The following UBE2G1 variants were observed in gnomAD, a reference collection of about 807,000 sequenced individuals.
The protein encoded by UBE2G1 is ubiquitin conjugating enzyme E2 G1.
Under a neutral mutation model 22.7 loss-of-function variants are expected in UBE2G1, and 5 were observed. The ratio of observed to expected loss-of-function variants is 0.22; its 90% CI spans 0.12 to 0.46. The LOEUF (loss-of-function observed/expected upper bound fraction) is 0.46, where lower values mean the gene tolerates loss of function less well. UBE2G1 is among the 20% of genes least tolerant of loss of function. UBE2G1 has a pLI of 0.99. For synonymous variants in UBE2G1, 74 were observed against 67.5 expected (o/e 1.10, Z -0.47); for missense variants, 88 against 203.9 (o/e 0.43, Z 3.46).
intron 1 of UBE2G1, among the ~76,000 whole-genome samples, chr17:4,333,763 G>A (rs1312836757): frequency 2.0e-5 from 3 of 152,052 alleles, no homozygotes; most frequent in African/African-American, 7.3e-5. Context: ...AGGTTGCAGT[G>A]AGCCGAGATT....
intron 5 of UBE2G1, among the ~76,000 whole-genome samples, chr17:4,277,383 C>T (rs545025677): frequency 6.6e-6 from 1 of 152,302 alleles, no homozygotes; most frequent in East Asian, 1.9e-4. Flanking sequence ...CAATAAAGAA[C>T]CAATACAGTC....
At chr17:4,320,825 T>C (rs981521429) in intron 1 of UBE2G1, among the ~76,000 whole-genome samples, 1 of 152,084 alleles carries the variant, frequency 6.6e-6, no homozygotes, top group Non-Finnish European at 1.5e-5. Flanking sequence ...CTTAGCATAG[T>C]CTGAACACTA....
chr17:4,303,955 GTCA>G (rs1332513056), intron 2 of UBE2G1, among the ~76,000 whole-genome samples: 2 of 152,162 alleles, frequency 1.3e-5, no homozygotes, highest in Non-Finnish European at 1.5e-5. Flanking sequence ...AAGTTATACA[GTCA>G]TCATTCATTA....
At chr17:4,281,192 A>C (rs1968885685) in intron 5 of UBE2G1, among the ~76,000 whole-genome samples, 2 of 152,202 alleles carry the variant, frequency 1.3e-5, no homozygotes, top group Non-Finnish European at 2.9e-5. Context: ...TAGAGCGGTA[A>C]TTTACCCAGT....
chr17:4,330,761 T>C (rs923056585), intron 1 of UBE2G1, among the ~76,000 whole-genome samples: 2 of 151,530 alleles, frequency 1.3e-5, no homozygotes, highest in Admixed American at 1.3e-4. Flanking sequence ...ATATTTTATT[T>C]ATTTATTTAT....
intron 3 of UBE2G1, among the ~76,000 whole-genome samples, chr17:4,294,711 G>C (rs1171448220): frequency 6.6e-6 from 1 of 152,004 alleles, no homozygotes; most frequent in African/African-American, 2.4e-5. Flanking sequence ...CAGGAGTTCA[G>C]GACCTGCCTG....
intron 1 of UBE2G1, among the ~76,000 whole-genome samples, chr17:4,335,778 C>A (rs1255374752): frequency 6.6e-6 from 1 of 151,854 alleles, no homozygotes; most frequent in Non-Finnish European, 1.5e-5. Context: ...TTAGACATAA[C>A]GAAATACAGT....
intron 2 of UBE2G1, chr17:4,301,906 T>C: frequency 6.1e-6 from 3 of 492,670 alleles, no homozygotes; most frequent in South Asian, 4.7e-5. Flanking sequence ...GGGGTTCTGC[T>C]GGTCACACAA....
Position 4,271,174 on chromosome 17 carries a change from C to T in UBE2G1, c.*1380G>A, listed in dbSNP as rs769119514. The T allele has an allele frequency of 1.2e-4, 18 of 152,436 alleles. No individual in the cohort carries two copies. The highest frequency in any genetic ancestry group is 1.5e-4 in the Non-Finnish European group (10 of 68,030). The allele number at this position is 152,436 out of a possible 1,614,324, so 9.4% of individuals were successfully genotyped here. On this transcript the variant is annotated 3_prime_UTR_variant, in exon 6 of 6. Coordinates refer to ENST00000396981, the MANE Select transcript of UBE2G1 (RefSeq NM_003342.5). ...GATATGAAATATATTGAAGCTCAAA[C>T]ATTAATCACATCCAAGTGTACTATT...
intron 1 of UBE2G1, among the ~76,000 whole-genome samples, chr17:4,344,123 CGTAA>C (rs767334156): frequency 3.9e-5 from 6 of 152,064 alleles, no homozygotes; most frequent in Non-Finnish European, 5.9e-5. Context: ...CTCAATCAAT[CGTAA>C]AGCAAGTTCA....
At chr17:4,365,312 C>T (rs1249931405) in intron 1 of UBE2G1, among the ~76,000 whole-genome samples, 1 of 152,208 alleles carries the variant, frequency 6.6e-6, no homozygotes, top group Non-Finnish European at 1.5e-5. Context: ...GCCACCAACC[C>T]GCCTCCCCCC....
intron 1 of UBE2G1, among the ~76,000 whole-genome samples, chr17:4,347,203 C>T (rs552976393): frequency 1.3e-4 from 20 of 152,190 alleles, no homozygotes; most frequent in Admixed American, 3.3e-4. Flanking sequence ...ATCTAAAATG[C>T]TTGGGACCAA....
chr17:4,285,857 A>G (rs994117875), intron 4 of UBE2G1, among the ~76,000 whole-genome samples: 6 of 152,102 alleles, frequency 3.9e-5, no homozygotes, highest in African/African-American at 1.4e-4. Flanking sequence ...AGGCTGAGGC[A>G]GGAGGATCGC....
chr17:4,295,294 A>T (rs763951075), intron 3 of UBE2G1, among the ~76,000 whole-genome samples: 2 of 152,178 alleles, frequency 1.3e-5, no homozygotes, highest in Admixed American at 6.5e-5. Context: ...ACTGTTAGAG[A>T]TATTTTCCTC....
In UBE2G1 at chr17:4,272,611, C is replaced by G. The variant is rs115201613; in HGVS notation, c.*38-95G>C. ...TATCCATATTAGATTTATTTGACAA[C>G]AAATCCTTAATTTCATTCTGAGCTC... On this transcript the variant is annotated intron_variant, in intron 5 of 5. Coordinates refer to ENST00000396981, the MANE Select transcript of UBE2G1 (RefSeq NM_003342.5). 969 of 186,516 alleles carry G rather than the reference C, an allele frequency of 5.2e-3. 9 individuals carry two copies. The highest frequency in any genetic ancestry group is 0.022 in the African/African-American group (924 of 41,698). 11.6% of individuals were successfully genotyped at this position (186,516 alleles called of 1,614,324 possible).
chr17:4,366,482 T>G lies in UBE2G1; in HGVS notation c.-166A>C. 3.5e-6 allele frequency: 2 copies of G among 570,438 alleles called. No homozygotes were observed. The highest frequency in any genetic ancestry group is 7.0e-5 in the South Asian group (2 of 28,614). The allele number at this position is 570,438 out of a possible 1,614,324, so 35.3% of individuals were successfully genotyped here. ...GGCGGGAGCGGCGCCTCGCTGCCGG[T>G]GCGAGTCCGCTCGCTTCAGCTCTTT... On this transcript the variant is annotated 5_prime_UTR_variant, in exon 1 of 6. Transcript: ENST00000396981.
chr17:4,317,897 A>G (rs960220603), intron 1 of UBE2G1, among the ~76,000 whole-genome samples: 10 of 152,166 alleles, frequency 6.6e-5, no homozygotes, highest in African/African-American at 2.4e-4. Context: ...ATGCCCTAAC[A>G]CTAGTTTATA....
intron 1 of UBE2G1, among the ~76,000 whole-genome samples, chr17:4,311,804 T>C (rs894762213): frequency 2.0e-5 from 3 of 152,192 alleles, no homozygotes; most frequent in Non-Finnish European, 4.4e-5. Context: ...CCCTCCCTGT[T>C]TTTCTGACAC....
intron 5 of UBE2G1, among the ~76,000 whole-genome samples, chr17:4,278,528 C>T (rs553253099): frequency 2.2e-4 from 33 of 152,282 alleles, no homozygotes; most frequent in South Asian, 1.9e-3. Context: ...ACATGTGGCC[C>T]GCAGGCTGCA....
Sources: allele counts gnomAD v4.1 joint callset (sites outside exome capture counted in the v4.1 genomes callset), GRCh38; gene constraint gnomAD v4.1.1; transcripts MANE v1.5; gene names NCBI Gene and HGNC (gene_info 2026-07-23, HGNC 2026-07-21).